USP49: variants seen among roughly 807,000 people sequenced by gnomAD.
The protein encoded by USP49 is ubiquitin carboxyl-terminal hydrolase 49.
In USP49, 24 loss-of-function variants were observed where a neutral mutation model predicts 58.6. The ratio of observed to expected loss-of-function variants is 0.41; its 90% CI spans 0.30 to 0.58. USP49 has a LOEUF of 0.58. Among genes scored for constraint, USP49 ranks in the 20% least tolerant of loss-of-function variants. The probability of loss-of-function intolerance (pLI) is 0.30; values close to 1 mark genes in which losing one functional copy is unlikely to be tolerated. For missense variants in USP49, 703 were observed against 866.1 expected (o/e 0.81, Z 2.36); for synonymous variants, 408 against 365.1 (o/e 1.12, Z -1.34).
intron 3 of USP49, among the ~76,000 whole-genome samples, chr6:41,816,352 T>C (rs546347242): frequency 3.0e-4 from 46 of 152,350 alleles, no homozygotes; most frequent in African/African-American, 1.1e-3. Flanking sequence ...GCTAAATTCA[T>C]TAACCTTTTC....
At chr6:41,864,461 G>A (rs1430424980) in intron 3 of USP49, among the ~76,000 whole-genome samples, 1 of 152,250 alleles carries the variant, frequency 6.6e-6, no homozygotes, top group East Asian at 1.9e-4. Flanking sequence ...TACTCAGGAG[G>A]CTGAGGCATG....
At chr6:41,890,625 C>T (rs988344329) in intron 2 of USP49, among the ~76,000 whole-genome samples, 2 of 152,138 alleles carry the variant, frequency 1.3e-5, no homozygotes, top group African/African-American at 4.8e-5. Context: ...AGTGAGCTGA[C>T]GTGGCGCCAC....
intron 3 of USP49, among the ~76,000 whole-genome samples, chr6:41,866,505 A>C (rs1382793336): frequency 1.3e-5 from 2 of 152,214 alleles, no homozygotes; most frequent in African/African-American, 4.8e-5. Flanking sequence ...GGGCCTGTCC[A>C]AAGTTGGGAG....
rs1409384290 is a variant in USP49 at position 41,817,156 on chromosome 6, T to TTTTTA, written c.-28-10146_-28-10145insTAAAA. On this transcript the variant is annotated intron_variant, in intron 3 of 7. Coordinates refer to ENST00000682992, the MANE Select transcript of USP49 (RefSeq NM_001286554.2). ...CGCCTGGCTCCCACGCATGCTTTTT[T>TTTTTA]TTTTTTTTTTTGAGACAGAGTCTTG... Among the ~76,000 whole-genome samples, 5 of 139,074 alleles carry TTTTTA rather than the reference T, an allele frequency of 3.6e-5. No individual in the cohort carries two copies. In the East Asian group the frequency reaches 1.0e-3, roughly 29 times the overall value. The allele number at this position is 139,074 out of a possible 152,430, so 91.2% of individuals were successfully genotyped here. A position where few individuals can be genotyped will look rare whatever the true frequency, so the allele number is the denominator to read the frequency against.
intron 3 of USP49, among the ~76,000 whole-genome samples, chr6:41,830,121 C>A (rs559558894): frequency 6.6e-6 from 1 of 152,096 alleles, no homozygotes; most frequent in East Asian, 1.9e-4. Flanking sequence ...AGAAGATTAG[C>A]CTTTCATTTT....
chr6:41,870,367 G>T (rs1178282987), intron 3 of USP49, among the ~76,000 whole-genome samples: 1 of 152,170 alleles, frequency 6.6e-6, no homozygotes, highest in African/African-American at 2.4e-5. Flanking sequence ...GGCAAAGAAG[G>T]TTGCACAAAT....
intron 2 of USP49, among the ~76,000 whole-genome samples, chr6:41,874,687 G>T (rs532271982): frequency 9.2e-5 from 14 of 152,178 alleles, no homozygotes; most frequent in Non-Finnish European, 2.1e-4. Flanking sequence ...ACCAGGCTGG[G>T]AGCAGTAGCT....
chr6:41,798,599 G>A (rs1189368594), intron 7 of USP49, 125 bp downstream of exon 7: 1 of 1,582,786 alleles, frequency 6.3e-7, no homozygotes, highest in Non-Finnish European at 8.6e-7. Context: ...TCTTTCCACT[G>A]GATTTTTGAT....
chr6:41,794,026 C>G lies in USP49; in HGVS notation c.*2507G>C, dbSNP rs1168100850. ...ATGCAACTGAGACATTCATCTATACCCAGTACGTAAATAAATTAAAGGCAA... is the reference window on the plus strand; with the variant it reads ...ATGCAACTGAGACATTCATCTATACGCAGTACGTAAATAAATTAAAGGCAA... On this transcript the variant is annotated 3_prime_UTR_variant, in exon 8 of 8. Transcript: ENST00000682992. The G allele has an allele frequency of 6.6e-6, 1 of 152,154 alleles. No individual in the cohort carries two copies. 9.4% of individuals were successfully genotyped at this position (152,154 alleles called of 1,614,324 possible).
intron 3 of USP49, among the ~76,000 whole-genome samples, chr6:41,822,451 C>T (rs1246640845): frequency 6.6e-6 from 1 of 152,176 alleles, no homozygotes; most frequent in Non-Finnish European, 1.5e-5. Flanking sequence ...TTCCTGATGT[C>T]CTGCTGCTTA....
intron 3 of USP49, among the ~76,000 whole-genome samples, chr6:41,850,468 A>C (rs12193204): frequency 1.3e-5 from 2 of 151,104 alleles, no homozygotes; most frequent in African/African-American, 4.8e-5. Flanking sequence ...AAAAAAAATA[A>C]ATAAATAAAT....
rs566795786 is a variant in USP49 at position 41,871,914 on chromosome 6, G to C, written c.-102-277C>G. 8.5e-5 allele frequency among the ~76,000 whole-genome samples: 13 copies of C among 152,214 alleles called. 1 individual carries two copies. The highest frequency in any genetic ancestry group is 6.8e-3 in the Middle Eastern group (2 of 294). On this transcript the variant is annotated intron_variant, in intron 2 of 7. Coordinates refer to ENST00000682992, the MANE Select transcript of USP49 (RefSeq NM_001286554.2). ...AAAAAGCACTTCTGCATTTGTTTTA[G>C]GTCTTAAAAATTACACATTATATTT...
chr6:41,798,561 C>G (rs1308433650), intron 7 of USP49, 163 bp downstream of exon 7: 1 of 1,533,778 alleles, frequency 6.5e-7, no homozygotes, highest in Non-Finnish European at 8.8e-7. Context: ...CAGGTGTGAG[C>G]CACGGCGCCC....
Position 41,806,135 on chromosome 6 carries a change from G to C in USP49, c.849C>G (p.Asn283Lys). ...GATGTTCCGTTTTGGAAGGGTCAAG[G>C]TTGAGGAAACATTCTCGGAACTTCT... ...HLQKFRECFL[N>K]LDPSKTEHLF... The change falls in exon 4 of 8, where the codon AAC becomes AAG. Residue 283 changes from asparagine (N) to lysine (K), a missense_variant. Asn to Lys is a moderately conservative substitution (Grantham distance 94). Around this residue, in one of 6 missense-constraint regions of USP49, gnomAD observed 97 missense variants for 88.0 expected, o/e 1.10. Transcript: ENST00000682992. This position sits in a 1 kb window ranked among gnomAD's most constrained non-coding sequence, Gnocchi z 5.9. 6.2e-7 allele frequency: 1 copy of C among 1,613,854 alleles called. No individual in the cohort carries two copies. Among genetic ancestry groups the C allele is most frequent in the Non-Finnish European group, 8.5e-7 (1 of 1,180,048 alleles).
At position 41,806,078 on chromosome 6, in the gene USP49, C is replaced by T; in HGVS notation, c.906G>A (p.Gln302=). 6.2e-7 allele frequency: 1 copy of T among 1,614,090 alleles called. No homozygotes were observed. Among genetic ancestry groups the T allele is most frequent in the African/African-American group, 1.3e-5 (1 of 75,060 alleles). The change falls in exon 4 of 8, where the codon CAG becomes CAA. Residue 302 remains glutamine (Q), a synonymous_variant. Transcript: ENST00000682992. The surrounding 1 kb of genome is among the most constrained non-coding windows in gnomAD (Gnocchi z 5.9). ...AGCTGTTGGTTGGCTTGCCAGAAAG[C>T]TGAGTCTTCCCGTTGGTGGCTTTGG... ...LFPKATNGKT[Q]LSGKPTNSSA... is the part of the protein sequence containing the mutation.
chr6:41,808,119 G>A (rs1773176044), intron 3 of USP49, among the ~76,000 whole-genome samples: 1 of 152,100 alleles, frequency 6.6e-6, no homozygotes, highest in African/African-American at 2.4e-5. Context: ...CTTGCAGTAA[G>A]GGTGGGAAAA....
rs143420963 is a variant in USP49, at chr6:41,822,440, C to T, written c.-28-15429G>A. On this transcript the variant is annotated intron_variant, in intron 3 of 7. Coordinates refer to ENST00000682992, the MANE Select transcript of USP49 (RefSeq NM_001286554.2). Reference sequence around the variant, plus strand: ...GTTGTTCTAAGAAATGGGAACCCGTCTTCCTGATGTCCTGCTGCTTAAACG... The same window carrying T: ...GTTGTTCTAAGAAATGGGAACCCGTTTTCCTGATGTCCTGCTGCTTAAACG... 5.8e-4 allele frequency among the ~76,000 whole-genome samples: 88 copies of T among 152,330 alleles called. 1 individual carries two copies. The highest frequency in any genetic ancestry group is 2.0e-3 in the African/African-American group (85 of 41,578).
intron 3 of USP49, among the ~76,000 whole-genome samples, chr6:41,870,688 A>ATTTTTTT (rs70987539): frequency 0.23 from 26,942 of 115,164 alleles, 3,489 homozygotes; most frequent in East Asian, 0.27. Flanking sequence ...CACCTGGCTA[A>ATTTTTTT]TTTTTTTTTT....
chr6:41,867,332 G>A (rs1582030744), intron 3 of USP49, among the ~76,000 whole-genome samples: 1 of 152,158 alleles, frequency 6.6e-6, no homozygotes, highest in South Asian at 2.1e-4. Context: ...GGATGAAAGA[G>A]CAATTTCCAA....
Sources: allele counts gnomAD v4.1 joint callset (sites outside exome capture counted in the v4.1 genomes callset), GRCh38; gene constraint gnomAD v4.1.1; regional missense constraint gnomAD v4.1.1; non-coding constraint Gnocchi (gnomAD v3.1); transcripts MANE v1.5; gene names NCBI Gene and HGNC (gene_info 2026-07-23, HGNC 2026-07-21).